The following VWF variants were observed in gnomAD, a reference collection of about 807,000 sequenced individuals.
VWF encodes Factor VIII related antigen.
Under a neutral mutation model 308.6 loss-of-function variants are expected in VWF, and 176 were observed. The ratio of observed to expected loss-of-function variants is 0.57; its 90% CI spans 0.50 to 0.65. The LOEUF (loss-of-function observed/expected upper bound fraction) is 0.65. Ranked by LOEUF, VWF falls within the 30% of genes least tolerant of loss-of-function variation. VWF has a pLI of 0.00. For synonymous variants in VWF, 1,385 were observed against 1,443.4 expected (o/e 0.96, Z 0.92); for missense variants, 3,146 against 3,648.2 (o/e 0.86, Z 3.55).
rs1313337406 is a variant in VWF at position 5,952,515 on chromosome 12, T to G, written c.7991A>C (p.Asp2664Ala). 4.3e-6 allele frequency: 7 copies of G among 1,613,644 alleles called. No individual in the cohort carries two copies. Among genetic ancestry groups the G allele is most frequent in the Non-Finnish European group, 5.9e-6 (7 of 1,179,796 alleles). ...ATCACAGCCATCCTGGAGCGTCTCA[T>G]CACGCTGGAAGGAAAGAGGAGTGGG... is the stretch of plus-strand genomic sequence containing the variant. Reference protein sequence around the residue: ...RGGQIMTLKRDETLQDGCDTH... With the variant: ...RGGQIMTLKRAETLQDGCDTH... The change falls in exon 49 of 52, where the codon GAT becomes GCT. Residue 2664 changes from aspartate to alanine, a missense_variant. Physicochemically the swap from Asp to Ala is moderately radical, Grantham distance 126. Transcript: ENST00000261405.
chr12:6,048,745 G>T lies in VWF; in HGVS notation c.2187-1928C>A, dbSNP rs376339385. On this transcript the variant is annotated intron_variant, in intron 16 of 51. Transcript: ENST00000261405. Reference sequence around the variant, plus strand: ...CCCAAAGTGCTGGGATTACAGGCGTGAGCCACCTTGCCCAGCTGACTGTAA... The same window carrying T: ...CCCAAAGTGCTGGGATTACAGGCGTTAGCCACCTTGCCCAGCTGACTGTAA... Among the ~76,000 whole-genome samples, 3 of 152,360 alleles carry T rather than the reference G, an allele frequency of 2.0e-5. No homozygotes were observed. In the East Asian group the frequency reaches 5.8e-4, roughly 29 times the overall value.
At chr12:5,956,416 G>A (rs1040672825) in intron 47 of VWF, among the ~76,000 whole-genome samples, 2 of 152,184 alleles carry the variant, frequency 1.3e-5, no homozygotes, top group Non-Finnish European at 2.9e-5. Flanking sequence ...AAGATGTGGA[G>A]GCAGAAGACT....
chr12:6,012,062 T>C, intron 33 of VWF, 25 bp downstream of exon 33: 3 of 1,613,702 alleles, frequency 1.9e-6, no homozygotes, highest in Non-Finnish European at 2.5e-6. Context: ...AACCTTTCTT[T>C]CAAAGTCAAC....
At position 6,019,700 on chromosome 12, in the gene VWF, G is replaced by C; in HGVS notation, c.3718C>G (p.Pro1240Ala). The C allele has an allele frequency of 1.2e-6, 2 of 1,613,770 alleles. No individual in the cohort carries two copies. The highest frequency in any genetic ancestry group is 1.7e-6 in the Non-Finnish European group (2 of 1,179,794). ...GTGGGAGGCACCACCAGGCCTCCCGGCTCCTGGCAGGCTTCACAGGTGAGG... is the reference window on the plus strand; with the variant it reads ...GTGGGAGGCACCACCAGGCCTCCCGCCTCCTGGCAGGCTTCACAGGTGAGG... Reference protein sequence around the residue: ...VNLTCEACQEPGGLVVPPTDA... With the variant: ...VNLTCEACQEAGGLVVPPTDA... The change falls in exon 28 of 52, where the codon CCG becomes GCG. Residue 1240 changes from proline to alanine, a missense_variant. Pro to Ala is a conservative substitution (Grantham distance 27, BLOSUM62 -1). This residue lies in a region of VWF where 853 missense variants were observed against 1,177.8 expected (regional missense o/e 0.72). Coordinates refer to ENST00000261405, the MANE Select transcript of VWF (RefSeq NM_000552.5). The surrounding 1 kb of genome is among the most constrained non-coding windows in gnomAD (Gnocchi z 5.8).
rs1390402085 is a variant in VWF, at chr12:6,018,976, C to T, written c.4442G>A (p.Gly1481Glu). Residue 1481 changes from glycine (G) to glutamate (E), a missense_variant, in exon 28 of 52, where the codon GGG (glycine) becomes GAG (glutamate). Gly to Glu is a moderately conservative substitution (Grantham distance 98). Coordinates refer to ENST00000261405, the MANE Select transcript of VWF (RefSeq NM_000552.5). ...CCCCAGGGTCGAAACCCCCAAGAGC[C>T]CCGGGCCCACAGTGACTTGTGCCAT... ...PDMAQVTVGP[G>E]LLGVSTLGPK... is the part of the protein sequence containing the mutation. 6.2e-7 allele frequency: 1 copy of T among 1,613,788 alleles called. No homozygotes were observed. Among genetic ancestry groups the T allele is most frequent in the African/African-American group, 1.3e-5 (1 of 74,870 alleles).
Position 6,073,707 on chromosome 12 carries a change from C to T in VWF, c.909G>A (p.Gln303=). ...PVCPAGMEYR[Q]CVSPCARTCQ... is the part of the protein sequence containing the mutation. ...AGGTCCTGGCGCAAGGGGACACACA[C>T]TGCCTATACTCCATACCAGCAGGGC... The change falls in exon 8 of 52, where the codon CAG becomes CAA. Residue 303 remains glutamine (Q), a synonymous_variant. Coordinates refer to ENST00000261405, the MANE Select transcript of VWF (RefSeq NM_000552.5). 1 of 1,614,116 alleles carries T rather than the reference C, an allele frequency of 6.2e-7. No individual in the cohort carries two copies. The highest frequency in any genetic ancestry group is 2.2e-5 in the East Asian group (1 of 44,872).
chr12:6,031,295 C>A, intron 21 of VWF, 149 bp downstream of exon 21: 1 of 1,328,806 alleles, frequency 7.5e-7, no homozygotes, highest in South Asian at 1.2e-5. Context: ...TAATACGTCA[C>A]GGTCAGTTGC....
intron 18 of VWF, among the ~76,000 whole-genome samples, chr12:6,039,740 C>T (rs1415260561): frequency 1.3e-5 from 2 of 152,132 alleles, no homozygotes. Flanking sequence ...CATGTGAGGC[C>T]GCCTCTGGAT....
chr12:5,969,461 C>T (rs1565813353), intron 44 of VWF, 70 bp from the exon 45 acceptor site: 5 of 1,583,312 alleles, frequency 3.2e-6, no homozygotes, highest in South Asian at 2.3e-5. Context: ...TGGGAATGTG[C>T]TCTTCTCTCA....
chr12:6,035,387 G>A lies in VWF; in HGVS notation c.2547-561C>T, dbSNP rs1026825657. Among the ~76,000 whole-genome samples, 4 of 152,248 alleles carry A rather than the reference G, an allele frequency of 2.6e-5. No individual in the cohort carries two copies. In the East Asian group the frequency reaches 5.8e-4, roughly 22 times the overall value. On this transcript the variant is annotated intron_variant, in intron 19 of 51. Coordinates refer to ENST00000261405, the MANE Select transcript of VWF (RefSeq NM_000552.5). ...TCTATAGTGATCTGCCCACTGCCAC[G>A]TGTCCCTCCCTGCCACCACCCGTAA...
rs1250165048 is a variant in VWF, at chr12:6,057,311, A to ATTTTTTTTTTTTT, written c.1730-252_1730-240dup. On this transcript the variant is annotated intron_variant, in intron 14 of 51. Coordinates refer to ENST00000261405, the MANE Select transcript of VWF (RefSeq NM_000552.5). The stretch of plus-strand genomic sequence containing the variant: ...AAGGTCGAAGGACGGGGACTATGGA[A>ATTTTTTTTTTTTT]TTTTTTTTTTTTTTTTTTGGAGAGA... Among the ~76,000 whole-genome samples the ATTTTTTTTTTTTT allele has an allele frequency of 3.4e-3, 436 of 129,330 alleles. 16 individuals are homozygous for ATTTTTTTTTTTTT. Among genetic ancestry groups the ATTTTTTTTTTTTT allele is most frequent in the African/African-American group, 0.01 (338 of 32,706 alleles). 84.8% of individuals were successfully genotyped at this position (129,330 alleles called of 152,430 possible).
intron 6 of VWF, among the ~76,000 whole-genome samples, chr12:6,089,601 G>C (rs945798923): frequency 6.6e-6 from 1 of 151,940 alleles, no homozygotes; most frequent in Non-Finnish European, 1.5e-5. Flanking sequence ...TCCTCAACCC[G>C]ACCTCAGGAT....
chr12:6,010,804 G>C lies in VWF; in HGVS notation c.5842+813C>G, dbSNP rs185819584. ...AGGCAGCCTAAATTGGAACTGGGAGGTGTTTTAACTCTAATCAAATTCAAA... is the reference window on the plus strand; with the variant it reads ...AGGCAGCCTAAATTGGAACTGGGAGCTGTTTTAACTCTAATCAAATTCAAA... On this transcript the variant is annotated intron_variant, in intron 34 of 51. Coordinates refer to ENST00000261405, the MANE Select transcript of VWF (RefSeq NM_000552.5). 1.2e-3 allele frequency among the ~76,000 whole-genome samples: 179 copies of C among 152,294 alleles called. 6 individuals are homozygous for C. In the East Asian group the frequency reaches 0.029, roughly 25 times the overall value.
rs142635883 is a variant in VWF at position 6,018,594 on chromosome 12, G to A, written c.4824C>T (p.Thr1608=). ...EQAPNLVYMV[T]GNPASDEIKR... ...TGATCTCATCAGAGGCAGGATTTCCGGTGACCATGTAGACCAGGTTGGGCG... is the reference window on the plus strand; with the variant it reads ...TGATCTCATCAGAGGCAGGATTTCCAGTGACCATGTAGACCAGGTTGGGCG... Residue 1608 remains threonine, a synonymous_variant, in exon 28 of 52, where the codon ACC becomes ACT. Transcript: ENST00000261405. The A allele has an allele frequency of 4.2e-4, 679 of 1,614,086 alleles. 2 individuals are homozygous for A. The African/African-American group carries it at 6.9e-3, about 16-fold the overall frequency.
intron 44 of VWF, among the ~76,000 whole-genome samples, chr12:5,971,090 C>T (rs1027086710): frequency 6.6e-6 from 1 of 152,170 alleles, no homozygotes. Flanking sequence ...CAATGGGGGG[C>T]TGGCAAGATG....
At position 6,046,490 on chromosome 12, in the gene VWF, C is replaced by T. The variant is rs556707294; in HGVS notation, c.2281+233G>A. On this transcript the variant is annotated intron_variant, in intron 17 of 51. Coordinates refer to ENST00000261405, the MANE Select transcript of VWF (RefSeq NM_000552.5). The surrounding 1 kb of genome is among the most constrained non-coding windows in gnomAD (Gnocchi z 5.0). ...TTATCTGCAGGTCTTTCCCCTTACACGAAATCAAATACTCCTTGCCTCAAT... is the reference window on the plus strand; with the variant it reads ...TTATCTGCAGGTCTTTCCCCTTACATGAAATCAAATACTCCTTGCCTCAAT... Among the ~76,000 whole-genome samples the T allele has an allele frequency of 9.8e-5, 15 of 152,358 alleles. No individual in the cohort carries two copies. The highest frequency in any genetic ancestry group is 3.1e-4 in the African/African-American group (13 of 41,582).
intron 9 of VWF, 54 bp downstream of exon 9, chr12:6,072,277 C>G: frequency 6.4e-7 from 1 of 1,559,612 alleles, no homozygotes; most frequent in Admixed American, 1.7e-5. Flanking sequence ...ACCCAGCTTC[C>G]CTCCCCAGTC....
intron 43 of VWF, among the ~76,000 whole-genome samples, chr12:5,973,711 CTCT>C (rs1002914454): frequency 6.6e-6 from 1 of 152,324 alleles, no homozygotes; most frequent in African/African-American, 2.4e-5. Flanking sequence ...ACAGCCCTCC[CTCT>C]TCTTCTTCCT....
At position 6,080,819 on chromosome 12, in the gene VWF, G is replaced by A. The variant is rs534340676; in HGVS notation, c.658-5268C>T. Among the ~76,000 whole-genome samples the A allele has an allele frequency of 1.1e-3, 163 of 152,252 alleles. 1 individual carries two copies. The highest frequency in any genetic ancestry group is 5.2e-3 in the South Asian group (25 of 4,828). On this transcript the variant is annotated intron_variant, in intron 6 of 51. Transcript: ENST00000261405. Reference sequence around the variant, plus strand: ...TGTTCCCACGCCCTCAGACCCTTCCGCGTGTGTTCCTGCCTGCGCGAAGTT... The same window carrying A: ...TGTTCCCACGCCCTCAGACCCTTCCACGTGTGTTCCTGCCTGCGCGAAGTT...
Sources: allele counts gnomAD v4.1 joint callset (sites outside exome capture counted in the v4.1 genomes callset), GRCh38; gene constraint gnomAD v4.1.1; regional missense constraint gnomAD v4.1.1; non-coding constraint Gnocchi (gnomAD v3.1); transcripts MANE v1.5; gene names NCBI Gene and HGNC (gene_info 2026-07-23, HGNC 2026-07-21).